The following FRMD3 variants were observed in gnomAD, a reference collection of about 807,000 sequenced individuals.
FRMD3 encodes FERM domain containing 3, also known as FERM domain-containing protein 3.
In FRMD3, 33 loss-of-function variants were observed where a neutral mutation model predicts 70.2. That is an observed-to-expected ratio of 0.47 (90% CI 0.36 to 0.63). FRMD3 has a LOEUF of 0.63. Among genes scored for constraint, FRMD3 ranks in the 20% least tolerant of loss-of-function variants. The probability of loss-of-function intolerance (pLI) is 0.00; values close to 1 mark genes in which losing one functional copy is unlikely to be tolerated. For synonymous variants in FRMD3, 279 were observed against 255.9 expected (o/e 1.09, Z -0.86); for missense variants, 632 against 711.4 (o/e 0.89, Z 1.27).
intron 3 of FRMD3, among the ~76,000 whole-genome samples, chr9:83,369,578 AAAT>A (rs1275688469): frequency 1.1e-4 from 2 of 18,494 alleles, no homozygotes; most frequent in Non-Finnish European, 2.2e-4. Context: ...CTCTGTCTCA[AAAT>A]AAATAAATAA....
intron 13 of FRMD3, among the ~76,000 whole-genome samples, chr9:83,260,516 G>A (rs975641866): frequency 6.6e-6 from 1 of 152,052 alleles, no homozygotes; most frequent in African/African-American, 2.4e-5. Flanking sequence ...CATTTGCCTG[G>A]AACAGTCCCA....
At chr9:83,467,127 C>G (rs1828148913) in intron 1 of FRMD3, among the ~76,000 whole-genome samples, 1 of 152,178 alleles carries the variant, frequency 6.6e-6, no homozygotes, top group Non-Finnish European at 1.5e-5. Flanking sequence ...TGGAAAACCA[C>G]CAAACTATTT....
chr9:83,486,265 C>T (rs1318895892), intron 1 of FRMD3, among the ~76,000 whole-genome samples: 2 of 152,174 alleles, frequency 1.3e-5, no homozygotes, highest in Non-Finnish European at 1.5e-5. Context: ...CCAAGGATGA[C>T]TGTCACCAAG....
At chr9:83,372,765 A>T in intron 3 of FRMD3, 148 bp downstream of exon 3, 1 of 716,692 alleles carries the variant, frequency 1.4e-6, no homozygotes, top group Non-Finnish European at 2.5e-6. Context: ...GGGAGAAAAT[A>T]CAGAGCTCTC....
intron 13 of FRMD3, among the ~76,000 whole-genome samples, chr9:83,256,295 T>A (rs1302153253): frequency 1.3e-5 from 2 of 152,108 alleles, no homozygotes; most frequent in East Asian, 3.9e-4. Context: ...TGATAAATGG[T>A]GCTGGAAGTG....
intron 3 of FRMD3, among the ~76,000 whole-genome samples, chr9:83,351,465 CT>C (rs376825103): frequency 0.015 from 2,229 of 148,630 alleles, 47 homozygotes; most frequent in African/African-American, 0.05. Context: ...AGAAAAGAAC[CT>C]TTTTTTTTTC....
chr9:83,288,150 ATCT>A (rs1408682524), intron 13 of FRMD3, among the ~76,000 whole-genome samples: 2 of 152,220 alleles, frequency 1.3e-5, no homozygotes, highest in Non-Finnish European at 2.9e-5. Flanking sequence ...AGATGAAAAC[ATCT>A]TCTTTGTTTA....
chr9:83,476,922 A>G (rs1828413010), intron 1 of FRMD3, among the ~76,000 whole-genome samples: 1 of 152,204 alleles, frequency 6.6e-6, no homozygotes, highest in South Asian at 2.1e-4. Context: ...CTTTTCTCCT[A>G]GATTTTATGA....
chr9:83,411,794 C>T (rs954169163), intron 1 of FRMD3, among the ~76,000 whole-genome samples: 7 of 152,218 alleles, frequency 4.6e-5, no homozygotes, highest in Non-Finnish European at 8.8e-5. Flanking sequence ...CTCATTCATT[C>T]ATCTGTGTTA....
At chr9:83,553,322 G>A in the FRMD3 span, among the ~76,000 whole-genome samples, 1 of 152,090 alleles carries the variant, frequency 6.6e-6, no homozygotes, top group South Asian at 2.1e-4. Context: ...TGGCTTGTAG[G>A]GTTTCAGCTG....
intron 1 of FRMD3, among the ~76,000 whole-genome samples, chr9:83,468,672 G>A (rs956888896): frequency 6.6e-6 from 1 of 152,200 alleles, no homozygotes; most frequent in African/African-American, 2.4e-5. Flanking sequence ...TTGAGGCTTG[G>A]TAAGTTGCTC....
intron 1 of FRMD3, among the ~76,000 whole-genome samples, chr9:83,406,774 A>T (rs1826117561): frequency 6.6e-6 from 1 of 152,258 alleles, no homozygotes; most frequent in South Asian, 2.1e-4. Context: ...CCCATAGAAG[A>T]GAGCAGAGAA....
chr9:83,357,252 T>TA (rs1256432155), intron 3 of FRMD3, among the ~76,000 whole-genome samples: 3 of 19,498 alleles, frequency 1.5e-4, no homozygotes, highest in South Asian at 2.4e-3. Flanking sequence ...CATACATATA[T>TA]ATATATATAT....
intron 9 of FRMD3, among the ~76,000 whole-genome samples, 189 bp downstream of exon 9, chr9:83,310,296 T>G (rs1337926443): frequency 6.6e-6 from 1 of 152,246 alleles, no homozygotes; most frequent in African/African-American, 2.4e-5. Flanking sequence ...TTACTGACTT[T>G]ATTGTTCAAT....
chr9:83,254,009 A>G (rs1313271481), intron 13 of FRMD3, among the ~76,000 whole-genome samples: 1 of 151,900 alleles, frequency 6.6e-6, no homozygotes, highest in Non-Finnish European at 1.5e-5. Flanking sequence ...GCAAACTATC[A>G]CAAGGACAAA....
intron 13 of FRMD3, among the ~76,000 whole-genome samples, chr9:83,253,086 C>T (rs1187202162): frequency 6.6e-6 from 1 of 152,190 alleles, no homozygotes. Context: ...CTTATTGCCA[C>T]ATGAGACTTA....
intron 6 of FRMD3, among the ~76,000 whole-genome samples, chr9:83,314,053 A>G (rs998159068): frequency 1.3e-5 from 2 of 152,244 alleles, no homozygotes; most frequent in African/African-American, 4.8e-5. Context: ...TTCAACCTTA[A>G]TACGAAATAA....
chr9:83,464,361 C>A (rs188562441), intron 1 of FRMD3, among the ~76,000 whole-genome samples: 13 of 152,290 alleles, frequency 8.5e-5, no homozygotes, highest in African/African-American at 3.1e-4. Context: ...GTCACAGCTG[C>A]TGGTTCAGGA....
chr9:83,465,047 AAGC>A (rs373003812), intron 1 of FRMD3, among the ~76,000 whole-genome samples: 2 of 98,068 alleles, frequency 2.0e-5, no homozygotes, highest in African/African-American at 3.6e-5. Context: ...AAAGAAGAAG[AAGC>A]AGCAGCTTAA....
Sources: allele counts gnomAD v4.1 joint callset (sites outside exome capture counted in the v4.1 genomes callset), GRCh38; gene constraint gnomAD v4.1.1; transcripts MANE v1.5; gene names NCBI Gene and HGNC (gene_info 2026-07-23, HGNC 2026-07-21).